The following WWOX variants were observed in gnomAD, a reference collection of about 807,000 sequenced individuals.
WWOX encodes the protein WW domain containing oxidoreductase.
In WWOX, 69 loss-of-function variants were observed where a neutral mutation model predicts 46.2. The observed-to-expected ratio is 1.49, with a 90% confidence interval of 1.23 to 1.82. WWOX has a LOEUF of 1.82. Ranked by LOEUF, WWOX falls within the 40% of genes most tolerant of loss-of-function variation. WWOX has a pLI of 0.00. For synonymous variants in WWOX, 359 were observed against 202.6 expected (o/e 1.77, Z -6.56); for missense variants, 919 against 542.6 (o/e 1.69, Z -6.89).
intron 7 of WWOX, among the ~76,000 whole-genome samples, chr16:78,430,533 G>C (rs955853051): frequency 3.9e-5 from 6 of 152,176 alleles, no homozygotes; most frequent in Middle Eastern, 3.4e-3. Flanking sequence ...CATGTGCATT[G>C]CAAGACATCT....
chr16:78,366,259 C>G (rs563540395), intron 5 of WWOX, among the ~76,000 whole-genome samples: 1 of 152,328 alleles, frequency 6.6e-6, no homozygotes, highest in South Asian at 2.1e-4. Context: ...AAGTGAAATA[C>G]TGTTAAACTT....
intron 8 of WWOX, among the ~76,000 whole-genome samples, chr16:79,199,885 G>T (rs2051313500): frequency 6.6e-6 from 1 of 152,162 alleles, no homozygotes; most frequent in South Asian, 2.1e-4. Flanking sequence ...AACAGGTATG[G>T]CAGCCAGAGG....
chr16:78,637,030 C>G (rs1370681749), intron 8 of WWOX, among the ~76,000 whole-genome samples: 1 of 152,170 alleles, frequency 6.6e-6, no homozygotes, highest in Non-Finnish European at 1.5e-5. Flanking sequence ...TTCAAGCTGT[C>G]CAATCCCTGC....
At chr16:78,503,462 T>A (rs1001063286) in intron 8 of WWOX, among the ~76,000 whole-genome samples, 61 of 146,906 alleles carry the variant, frequency 4.2e-4, no homozygotes, top group South Asian at 2.6e-3. Context: ...AAAAAAAAAT[T>A]TTTTTTTGAT....
Position 78,143,105 on chromosome 16 carries a change from A to C in WWOX, c.410-21078A>C, listed in dbSNP as rs569420946. Reference sequence around the variant, plus strand: ...TGAAAAGCCAATGTAGCTATAGCACACTGAATGAAATTCTGGGTGAAACAA... The same window carrying C: ...TGAAAAGCCAATGTAGCTATAGCACCCTGAATGAAATTCTGGGTGAAACAA... On this transcript the variant is annotated intron_variant, in intron 4 of 8. Coordinates refer to ENST00000566780, the MANE Select transcript of WWOX (RefSeq NM_016373.4). 4.6e-5 allele frequency among the ~76,000 whole-genome samples: 7 copies of C among 152,360 alleles called. No homozygotes were observed. The East Asian group carries it at 9.6e-4, about 21-fold the overall frequency.
At chr16:78,428,861 A>G (rs1430886565) in intron 7 of WWOX, among the ~76,000 whole-genome samples, 3 of 152,218 alleles carry the variant, frequency 2.0e-5, no homozygotes, top group Non-Finnish European at 2.9e-5. Context: ...AGCAGAAACC[A>G]AAAGCCCTAA....
In WWOX at chr16:78,430,694, C is replaced by A. The variant is rs919455316; in HGVS notation, c.792-1794C>A. Reference sequence around the variant, plus strand: ...GGTTTGGGTACTAGAAAAAAGGCAGCCAACAATTCGTTTCAAGGTCTCATT... The same window carrying A: ...GGTTTGGGTACTAGAAAAAAGGCAGACAACAATTCGTTTCAAGGTCTCATT... On this transcript the variant is annotated intron_variant, in intron 7 of 8. Transcript: ENST00000566780. Among the ~76,000 whole-genome samples the A allele has an allele frequency of 6.6e-5, 10 of 152,214 alleles. 1 individual carries two copies. The highest frequency in any genetic ancestry group is 2.2e-4 in the African/African-American group (9 of 41,536).
In WWOX at chr16:78,599,335, A is replaced by T. The variant is rs1050043956; in HGVS notation, c.1056+166583A>T. Among the ~76,000 whole-genome samples, 9 of 152,286 alleles carry T rather than the reference A, an allele frequency of 5.9e-5. No individual in the cohort carries two copies. The South Asian group carries it at 6.2e-4, about 11-fold the overall frequency. ...TAATCAATCCACAGACATTGAACTG[A>T]ATCTCCACCTTGGGCTTGAGACTCT... On this transcript the variant is annotated intron_variant, in intron 8 of 8. Coordinates refer to ENST00000566780, the MANE Select transcript of WWOX (RefSeq NM_016373.4).
At chr16:79,006,106 T>G (rs2047185276) in intron 8 of WWOX, among the ~76,000 whole-genome samples, 1 of 151,920 alleles carries the variant, frequency 6.6e-6, no homozygotes, top group South Asian at 2.1e-4. Flanking sequence ...CCTGGTCCAG[T>G]GGGGTGAGGG....
At position 78,786,108 on chromosome 16, in the gene WWOX, C is replaced by T. The variant is rs141851590; in HGVS notation, c.1056+353356C>T. On this transcript the variant is annotated intron_variant, in intron 8 of 8. Coordinates refer to ENST00000566780, the MANE Select transcript of WWOX (RefSeq NM_016373.4). ...AATTTTTAGTAGAGGCGAGATTTTC[C>T]CGTGTTGGCCAGGCTGGTTTTGAAC... is the stretch of plus-strand genomic sequence containing the variant. Among the ~76,000 whole-genome samples the T allele has an allele frequency of 3.2e-3, 486 of 152,178 alleles. 4 individuals are homozygous for T. The highest frequency in any genetic ancestry group is 0.011 in the African/African-American group (463 of 41,522).
At chr16:78,494,757 C>G (rs913584448) in intron 8 of WWOX, among the ~76,000 whole-genome samples, 1 of 152,144 alleles carries the variant, frequency 6.6e-6, no homozygotes, top group East Asian at 1.9e-4. Context: ...AGCGTTTTGT[C>G]AATTAGCTCC....
At position 78,906,117 on chromosome 16, in the gene WWOX, G is replaced by C. The variant is rs532918574; in HGVS notation, c.1057-305491G>C. Among the ~76,000 whole-genome samples the C allele has an allele frequency of 3.3e-5, 5 of 152,290 alleles. No homozygotes were observed. In the South Asian group the frequency reaches 1.0e-3, roughly 32 times the overall value. On this transcript the variant is annotated intron_variant, in intron 8 of 8. Transcript: ENST00000566780. ...TTGAGTAAACTGAGGAGTCTGAGGGGAATGCCATGGAAGTCTGTAAACCCA... is the reference window on the plus strand; with the variant it reads ...TTGAGTAAACTGAGGAGTCTGAGGGCAATGCCATGGAAGTCTGTAAACCCA...
chr16:78,568,288 G>A (rs185167281), intron 8 of WWOX, among the ~76,000 whole-genome samples: 1 of 151,990 alleles, frequency 6.6e-6, no homozygotes, highest in East Asian at 1.9e-4. Context: ...GAGGAAAATG[G>A]TTCCTACTTA....
In WWOX at chr16:78,341,995, A is replaced by G. The variant is rs2081023928; in HGVS notation, c.517-44865A>G. 1.7e-5 allele frequency among the ~76,000 whole-genome samples: 2 copies of G among 120,402 alleles called. 1 individual carries two copies. The highest frequency in any genetic ancestry group is 4.0e-5 in the Non-Finnish European group (2 of 50,510). The allele number at this position is 120,402 out of a possible 152,430, so 79.0% of individuals were successfully genotyped here. A position where few individuals can be genotyped will look rare whatever the true frequency, so the allele number is the denominator to read the frequency against. Reference sequence around the variant, plus strand: ...GCTGGGCATGGTGGTGCTCACCTATAGTACCAGGTACTTCGGAGGCTGAGG... The same window carrying G: ...GCTGGGCATGGTGGTGCTCACCTATGGTACCAGGTACTTCGGAGGCTGAGG... On this transcript the variant is annotated intron_variant, in intron 5 of 8. Transcript: ENST00000566780.
chr16:78,698,669 A>G (rs1448014273), intron 8 of WWOX, among the ~76,000 whole-genome samples: 2 of 152,116 alleles, frequency 1.3e-5, no homozygotes, highest in African/African-American at 2.4e-5. Context: ...TGTTATATCC[A>G]TATGATAAAC....
At chr16:79,030,448 A>G (rs1427655414) in intron 8 of WWOX, among the ~76,000 whole-genome samples, 1 of 152,112 alleles carries the variant, frequency 6.6e-6, no homozygotes, top group Non-Finnish European at 1.5e-5. Context: ...ATGCCTTTTG[A>G]TCTGCACGGG....
At chr16:78,696,685 T>TGGG (rs112053786) in intron 8 of WWOX, among the ~76,000 whole-genome samples, 8 of 151,536 alleles carry the variant, frequency 5.3e-5, no homozygotes, top group Non-Finnish European at 1.2e-4. Flanking sequence ...CCACCTGTTT[T>TGGG]GGGGGGGGTA....
intron 8 of WWOX, among the ~76,000 whole-genome samples, chr16:78,760,400 A>T (rs1345282381): frequency 1.3e-5 from 2 of 152,224 alleles, no homozygotes; most frequent in African/African-American, 2.4e-5. Flanking sequence ...ATAGTTCCCC[A>T]TATCAAGGTC....
intron 8 of WWOX, among the ~76,000 whole-genome samples, chr16:78,865,744 G>A (rs191129429): frequency 3.9e-4 from 60 of 152,270 alleles, no homozygotes; most frequent in Middle Eastern, 3.4e-3. Context: ...GCCATGCTTG[G>A]TGGCAAGTGC....
Sources: gnomAD v4.1 joint callset for allele counts (sites outside exome capture counted in the v4.1 genomes callset) on GRCh38, gnomAD v4.1.1 for gene constraint, MANE v1.5 for transcripts, NCBI Gene and HGNC (gene_info 2026-07-23, HGNC 2026-07-21) for gene names.